PRPSAP1: variants seen among roughly 807,000 people sequenced by gnomAD.
PRPSAP1 encodes phosphoribosyl pyrophosphate synthase-associated protein 1.
In PRPSAP1, 31 loss-of-function variants were observed where a neutral mutation model predicts 39.4. That is an observed-to-expected ratio of 0.79 (90% CI 0.59 to 1.06). PRPSAP1 has a LOEUF of 1.06. PRPSAP1 is among the 50% of genes least tolerant of loss of function. The pLI is 0.00. For synonymous variants in PRPSAP1, 212 were observed against 192.6 expected, an observed-to-expected ratio of 1.10 and a Z score of -0.83; for missense variants, 430 against 511.6, an observed-to-expected ratio of 0.84 and a Z score of 1.54.
At chr17:76,330,213 G>C in intron 5 of PRPSAP1, 115 bp from the exon 6 acceptor site, 1 of 888,472 alleles carries the variant, frequency 1.1e-6, no homozygotes, top group South Asian at 1.7e-5. Context: ...AAATATGCTA[G>C]AATTTTAGTC....
At chr17:76,344,142 T>C (rs1285241455) in intron 3 of PRPSAP1, among the ~76,000 whole-genome samples, 1 of 151,890 alleles carries the variant, frequency 6.6e-6, no homozygotes, top group Non-Finnish European at 1.5e-5. Flanking sequence ...TTTTGTTTTT[T>C]TTTGAGATGG....
intron 1 of PRPSAP1, among the ~76,000 whole-genome samples, chr17:76,349,020 G>T (rs1257229249): frequency 6.6e-6 from 1 of 152,156 alleles, no homozygotes; most frequent in Non-Finnish European, 1.5e-5. Context: ...AGTGTAAAAA[G>T]CCATTTTTGG....
At chr17:76,337,822 G>T (rs924535097) in intron 3 of PRPSAP1, among the ~76,000 whole-genome samples, 1 of 151,936 alleles carries the variant, frequency 6.6e-6, no homozygotes, top group Admixed American at 6.6e-5. Context: ...GGCTAGTCTG[G>T]TCTCAAACTC....
upstream of PRPSAP1, chr17:76,354,097 T>G: frequency 9.7e-7 from 1 of 1,027,496 alleles, no homozygotes; most frequent in Non-Finnish European, 1.2e-6. Context: ...GGTCTCACTT[T>G]CTTGGGAGGA....
intron 3 of PRPSAP1, among the ~76,000 whole-genome samples, chr17:76,335,736 C>A (rs2071371502): frequency 6.6e-6 from 1 of 152,150 alleles, no homozygotes; most frequent in Non-Finnish European, 1.5e-5. Flanking sequence ...CTTGTAATCC[C>A]AGCACTTTGA....
At chr17:76,339,192 G>A (rs751337119) in intron 3 of PRPSAP1, among the ~76,000 whole-genome samples, 1 of 151,886 alleles carries the variant, frequency 6.6e-6, no homozygotes, top group Non-Finnish European at 1.5e-5. Flanking sequence ...ATCACCTGAG[G>A]TCAGGAGTTT....
chr17:76,336,732 C>CAAAA (rs57399038), intron 3 of PRPSAP1, among the ~76,000 whole-genome samples: 9 of 63,318 alleles, frequency 1.4e-4, no homozygotes, highest in African/African-American at 2.5e-4. Flanking sequence ...AACTCCATCT[C>CAAAA]AAAAAAAAAA....
intron 7 of PRPSAP1, among the ~76,000 whole-genome samples, chr17:76,318,690 A>T (rs1321180248): frequency 6.6e-6 from 1 of 152,128 alleles, no homozygotes; most frequent in Non-Finnish European, 1.5e-5. Context: ...GGCTAAGCCT[A>T]TTAAAGAGAG....
At position 76,330,019 on chromosome 17, in the gene PRPSAP1, A is replaced by G. The variant is rs756846521; in HGVS notation, c.635+24T>C. Reference sequence around the variant, plus strand: ...ACTTCGGGAGCACTCAGGAGGGATCAGGACCCATGTCTAGCTTACTTACCT... The same window carrying G: ...ACTTCGGGAGCACTCAGGAGGGATCGGGACCCATGTCTAGCTTACTTACCT... On this transcript the variant is annotated intron_variant, in intron 6 of 9. Coordinates refer to ENST00000446526, the MANE Select transcript of PRPSAP1 (RefSeq NM_002766.3). 15 of 1,607,508 alleles carry G rather than the reference A, an allele frequency of 9.3e-6. No individual in the cohort carries two copies. The Admixed American group carries it at 2.3e-4, about 25-fold the overall frequency.
chr17:76,354,115 A>T, upstream of PRPSAP1: 1 of 1,010,094 alleles, frequency 9.9e-7, no homozygotes, highest in Non-Finnish European at 1.2e-6. Context: ...GGAGCAGCCT[A>T]CCTCGGTAGT....
Position 76,348,510 on chromosome 17 carries a change from A to C in PRPSAP1, c.223+19T>G, listed in dbSNP as rs1044836651. On this transcript the variant is annotated intron_variant, in intron 2 of 9. Coordinates refer to ENST00000446526, the MANE Select transcript of PRPSAP1 (RefSeq NM_002766.3). The stretch of plus-strand genomic sequence containing the variant: ...TAAATAAAAAATAATTTTAAAAAAA[A>C]GAAATAATTTTAACTTACCTCCATT... The C allele has an allele frequency of 7.2e-7, 1 of 1,386,290 alleles. No individual in the cohort carries two copies. The highest frequency in any genetic ancestry group is 1.5e-5 in the African/African-American group (1 of 65,762). The allele number at this position is 1,386,290 out of a possible 1,614,324, so 85.9% of individuals were successfully genotyped here. A position where few individuals can be genotyped will look rare whatever the true frequency, so the allele number is the denominator to read the frequency against.
At chr17:76,312,015 G>A (rs2071075215) in intron 9 of PRPSAP1, among the ~76,000 whole-genome samples, 1 of 152,000 alleles carries the variant, frequency 6.6e-6, no homozygotes, top group Non-Finnish European at 1.5e-5. Flanking sequence ...ATGCTCCTAG[G>A]GTGTCAAATT....
chr17:76,326,009 T>C (rs2071253123), intron 7 of PRPSAP1, among the ~76,000 whole-genome samples: 1 of 152,194 alleles, frequency 6.6e-6, no homozygotes, highest in Admixed American at 6.5e-5. Flanking sequence ...AGTATAAACA[T>C]AACTTTTACA....
intron 1 of PRPSAP1, among the ~76,000 whole-genome samples, chr17:76,350,420 CAG>C (rs1192473668): frequency 6.7e-6 from 1 of 150,364 alleles, no homozygotes; most frequent in African/African-American, 2.5e-5. Flanking sequence ...GCCTGTGCGA[CAG>C]AGTGAGATTC....
chr17:76,328,740 A>G lies in PRPSAP1; in HGVS notation c.758T>C (p.Val253Ala). ...HSPPMVKNAT[V>A]HPGLELPLMM... Reference sequence around the variant, plus strand: ...ACATGGCAACTCCAGGCCTGGGTGCACAGTAGCATTTTTGACCATAGGCGG... The same window carrying G: ...ACATGGCAACTCCAGGCCTGGGTGCGCAGTAGCATTTTTGACCATAGGCGG... The change falls in exon 7 of 10, where the codon GTG becomes GCG. Residue 253 changes from valine (V) to alanine (A), a missense_variant. This residue lies in a region of PRPSAP1 where 278 missense variants were observed against 376.3 expected (regional missense o/e 0.74). Transcript: ENST00000446526. 1.2e-6 allele frequency: 2 copies of G among 1,614,214 alleles called. No individual in the cohort carries two copies. Among genetic ancestry groups the G allele is most frequent in the Non-Finnish European group, 1.7e-6 (2 of 1,180,022 alleles).
At chr17:76,348,606 G>T in intron 1 of PRPSAP1, 25 bp from the exon 2 acceptor site, 1 of 1,512,934 alleles carries the variant, frequency 6.6e-7, no homozygotes, top group Non-Finnish European at 8.8e-7. Context: ...GAACAAAAAA[G>T]GGAAATTAAG....
At chr17:76,332,478 T>A in intron 3 of PRPSAP1, 43 bp from the exon 4 acceptor site, 1 of 1,606,244 alleles carries the variant, frequency 6.2e-7, no homozygotes, top group Non-Finnish European at 8.5e-7. Flanking sequence ...ATTCCATGTA[T>A]CAACCCTAGA....
intron 6 of PRPSAP1, among the ~76,000 whole-genome samples, chr17:76,329,195 C>T (rs12937945): frequency 0.49 from 73,737 of 151,578 alleles, 19,224 homozygotes; most frequent in Non-Finnish European, 0.59. Context: ...CTCAACCTCC[C>T]GAGTAGCGGG....
chr17:76,325,411 CAAAAAAAA>C (rs761293363), intron 7 of PRPSAP1, among the ~76,000 whole-genome samples: 1 of 18,880 alleles, frequency 5.3e-5, no homozygotes, highest in African/African-American at 2.3e-4. Flanking sequence ...GACTCAGTCT[CAAAAAAAA>C]AAAAAAAAAA....
Sources: allele counts gnomAD v4.1 joint callset (sites outside exome capture counted in the v4.1 genomes callset), GRCh38; gene constraint gnomAD v4.1.1; regional missense constraint gnomAD v4.1.1; transcripts MANE v1.5; gene names NCBI Gene and HGNC (gene_info 2026-07-23, HGNC 2026-07-21).